DNAJC1: variants seen among roughly 807,000 people sequenced by gnomAD.
DNAJC1 encodes dnaJ homolog subfamily C member 1.
DNAJC1 carries 58 observed loss-of-function variants against 76.6 expected under a neutral mutation model. That is an observed-to-expected ratio of 0.76 (90% CI 0.61 to 0.94). The LOEUF (loss-of-function observed/expected upper bound fraction) is 0.94. Among genes scored for constraint, DNAJC1 ranks in the 40% least tolerant of loss-of-function variants. The pLI, the probability that DNAJC1 is intolerant of heterozygous loss-of-function variation, is 0.00. For missense variants in DNAJC1, 689 were observed against 677.3 expected (o/e 1.02, Z -0.19); for synonymous variants, 258 against 267.9 (o/e 0.96, Z 0.36).
chr10:21,985,603 G>A (rs1387005294), intron 1 of DNAJC1, among the ~76,000 whole-genome samples: 1 of 152,032 alleles, frequency 6.6e-6, no homozygotes, highest in Admixed American at 6.5e-5. Context: ...TCAAATAACC[G>A]AAATCATACA....
At chr10:21,862,395 A>G (rs1387234104) in intron 8 of DNAJC1, among the ~76,000 whole-genome samples, 1 of 152,004 alleles carries the variant, frequency 6.6e-6, no homozygotes, top group Non-Finnish European at 1.5e-5. Flanking sequence ...GCAGTGTCAG[A>G]AAGATTTCTG....
chr10:21,977,253 GA>G (rs1838081393), intron 1 of DNAJC1, among the ~76,000 whole-genome samples: 1 of 151,604 alleles, frequency 6.6e-6, no homozygotes, highest in African/African-American at 2.4e-5. Flanking sequence ...CTTAAGAAAT[GA>G]AAAAAACACA....
chr10:21,933,177 C>G (rs1837254958), intron 1 of DNAJC1: 1 of 152,482 alleles, frequency 6.6e-6, no homozygotes, highest in African/African-American at 2.4e-5. Context: ...ACATCTGTCA[C>G]CCCACTGATC....
At chr10:21,815,340 A>G (rs1835057618) in intron 8 of DNAJC1, among the ~76,000 whole-genome samples, 1 of 152,228 alleles carries the variant, frequency 6.6e-6, no homozygotes, top group African/African-American at 2.4e-5. Flanking sequence ...TGATGATCAA[A>G]CTGCAATAGA....
chr10:21,820,261 T>C (rs966970328), intron 8 of DNAJC1, among the ~76,000 whole-genome samples: 5 of 152,162 alleles, frequency 3.3e-5, no homozygotes, highest in Admixed American at 1.3e-4. Context: ...CTTCATTTCT[T>C]TTTACTGCTG....
At chr10:21,913,003 T>TA (rs1836893320) in intron 6 of DNAJC1, among the ~76,000 whole-genome samples, 1 of 151,848 alleles carries the variant, frequency 6.6e-6, no homozygotes, top group Admixed American at 6.6e-5. Flanking sequence ...TTTTTTTTTT[T>TA]TAGGTAAAAG....
Position 21,835,178 on chromosome 10 carries a change from C to T in DNAJC1, c.979-29079G>A, listed in dbSNP as rs140806148. On this transcript the variant is annotated intron_variant, in intron 8 of 11. Transcript: ENST00000376980. Reference sequence around the variant, plus strand: ...AGCGTCTGGGGTTCACCAATATCCGCTGTTCTGCAGCCACCGCTGCTGATA... The same window carrying T: ...AGCGTCTGGGGTTCACCAATATCCGTTGTTCTGCAGCCACCGCTGCTGATA... Among the ~76,000 whole-genome samples the T allele has an allele frequency of 2.1e-3, 322 of 152,316 alleles. 1 individual carries two copies. Among genetic ancestry groups the T allele is most frequent in the African/African-American group, 7.2e-3 (300 of 41,578 alleles).
chr10:21,792,625 G>T (rs910120737), intron 9 of DNAJC1, among the ~76,000 whole-genome samples: 2 of 151,950 alleles, frequency 1.3e-5, no homozygotes, highest in Non-Finnish European at 2.9e-5. Context: ...CAGGCATAGT[G>T]GCAGGCGCCT....
intron 8 of DNAJC1, among the ~76,000 whole-genome samples, chr10:21,828,062 T>C (rs1032609966): frequency 6.6e-6 from 1 of 152,238 alleles, no homozygotes; most frequent in Non-Finnish European, 1.5e-5. Flanking sequence ...TCAGCGTCAA[T>C]GAGAGAACCT....
intron 9 of DNAJC1, among the ~76,000 whole-genome samples, chr10:21,767,112 T>G (rs1834309990): frequency 6.6e-6 from 1 of 152,182 alleles, no homozygotes; most frequent in Non-Finnish European, 1.5e-5. Context: ...GAAAATGACA[T>G]TTATGCTAAT....
chr10:21,840,530 G>C (rs1835558511), intron 8 of DNAJC1, among the ~76,000 whole-genome samples: 2 of 152,060 alleles, frequency 1.3e-5, no homozygotes, highest in Admixed American at 1.3e-4. Flanking sequence ...AAATACCTAG[G>C]AATCCAACTT....
chr10:22,003,580 C>G lies in DNAJC1; in HGVS notation c.-146G>C, dbSNP rs1838564327. 1 of 1,027,976 alleles carries G rather than the reference C, an allele frequency of 9.7e-7. No individual in the cohort carries two copies. Among genetic ancestry groups the G allele is most frequent in the Non-Finnish European group, 1.3e-6 (1 of 797,366 alleles). 63.7% of individuals were successfully genotyped at this position (1,027,976 alleles called of 1,614,324 possible). A position where few individuals can be genotyped will look rare whatever the true frequency, so the allele number is the denominator to read the frequency against. ...GGAGCGGCCCGCCAGGTGGCTGGCC[C>G]CAGACAGAGCGCGGAGGCGGCGGGA... is the stretch of plus-strand genomic sequence containing the variant. On this transcript the variant is annotated 5_prime_UTR_variant, in exon 1 of 12. Transcript: ENST00000376980.
At chr10:21,784,905 T>TG (rs1554886073) in intron 9 of DNAJC1, among the ~76,000 whole-genome samples, 1 of 140,240 alleles carries the variant, frequency 7.1e-6, no homozygotes, top group African/African-American at 2.7e-5. Flanking sequence ...TGTCATGGGG[T>TG]GGGGGGCAGG....
Position 22,003,689 on chromosome 10 carries a change from A to G in DNAJC1, c.-255T>C. 2 of 382,460 alleles carry G rather than the reference A, an allele frequency of 5.2e-6. No homozygotes were observed. The highest frequency in any genetic ancestry group is 1.0e-4 in the South Asian group (1 of 9,930). The allele number at this position is 382,460 out of a possible 1,614,324, so 23.7% of individuals were successfully genotyped here. On this transcript the variant is annotated 5_prime_UTR_variant, in exon 1 of 12. Coordinates refer to ENST00000376980, the MANE Select transcript of DNAJC1 (RefSeq NM_022365.4). ...CGAAGACCCTCGCCCCCAGGCCTAC[A>G]CACAGCTGTAGAGGCAGCGCCCGGC...
chr10:21,865,563 T>C (rs549989648), intron 8 of DNAJC1: 2 of 152,058 alleles, frequency 1.3e-5, no homozygotes, highest in Non-Finnish European at 2.9e-5. Context: ...TGAAGATAGG[T>C]GAAGGATGAG....
intron 8 of DNAJC1, among the ~76,000 whole-genome samples, chr10:21,811,475 C>A (rs994924178): frequency 1.3e-5 from 2 of 152,200 alleles, no homozygotes; most frequent in Admixed American, 6.5e-5. Context: ...GACTCCTTAA[C>A]TGCAGAGGAT....
chr10:21,869,468 C>T (rs1424875874), intron 8 of DNAJC1, among the ~76,000 whole-genome samples: 1 of 152,040 alleles, frequency 6.6e-6, no homozygotes, highest in African/African-American at 2.4e-5. Flanking sequence ...CAATGTATAC[C>T]TTATACGTAT....
intron 1 of DNAJC1, among the ~76,000 whole-genome samples, chr10:21,984,440 T>C (rs1489397949): frequency 6.6e-6 from 1 of 152,082 alleles, no homozygotes; most frequent in Non-Finnish European, 1.5e-5. Flanking sequence ...ATACATCTCA[T>C]CCAATCCCAG....
At chr10:21,999,451 C>CTTTTT (rs140026558) in intron 1 of DNAJC1, among the ~76,000 whole-genome samples, 39 of 94,036 alleles carry the variant, frequency 4.1e-4, no homozygotes, top group South Asian at 8.1e-4. Context: ...CTTCTTGACT[C>CTTTTT]TTTTTTTTTT....
Sources: allele counts gnomAD v4.1 joint callset (sites outside exome capture counted in the v4.1 genomes callset), GRCh38; gene constraint gnomAD v4.1.1; transcripts MANE v1.5; gene names NCBI Gene and HGNC (gene_info 2026-07-23, HGNC 2026-07-21).